CDH18: variants seen among roughly 807,000 people sequenced by gnomAD.
The protein encoded by CDH18 is cadherin 18.
Under a neutral mutation model 67.9 loss-of-function variants are expected in CDH18, and 31 were observed. The observed-to-expected ratio is 0.46, with a 90% CI of 0.34 to 0.62. The LOEUF is 0.62. Among genes scored for constraint, CDH18 ranks in the 20% least tolerant of loss-of-function variants. The probability of loss-of-function intolerance (pLI) is 0.01; values close to 1 mark genes in which losing one functional copy is unlikely to be tolerated. For synonymous variants in CDH18, 362 were observed against 347.2 expected, an observed-to-expected ratio of 1.04 and a Z score of -0.48; for missense variants, 890 against 975.5, an observed-to-expected ratio of 0.91 and a Z score of 1.17.
chr5:19,601,485 C>T (rs1312598490), intron 6 of CDH18, among the ~76,000 whole-genome samples: 1 of 151,926 alleles, frequency 6.6e-6, no homozygotes, highest in African/African-American at 2.4e-5. Flanking sequence ...GAAAGAAAAG[C>T]CCTGCAACAG....
intron 5 of CDH18, among the ~76,000 whole-genome samples, chr5:19,706,490 A>T (rs564849047): frequency 2.4e-4 from 37 of 152,298 alleles, no homozygotes; most frequent in South Asian, 1.7e-3. Flanking sequence ...ATCCTTGAGG[A>T]TTGGAACCTA....
intron 2 of CDH18, among the ~76,000 whole-genome samples, chr5:19,993,460 T>A (rs1800093366): frequency 6.6e-6 from 1 of 152,244 alleles, no homozygotes; most frequent in African/African-American, 2.4e-5. Context: ...AGATTATAGC[T>A]AATTCGTTTG....
intron 2 of CDH18, among the ~76,000 whole-genome samples, chr5:19,997,070 T>C (rs1216545145): frequency 6.6e-6 from 1 of 152,054 alleles, no homozygotes; most frequent in African/African-American, 2.4e-5. Context: ...ATGTCCCTTA[T>C]ATATTAAAAA....
rs927907790 is a variant in CDH18 at position 20,034,908 on chromosome 5, A to G, written c.-517-42894T>C. Reference sequence around the variant, plus strand: ...AACTCTGCCCAATATATGATTCAACAATTATTCACGTACTCTTCCTTCCAG... The same window carrying G: ...AACTCTGCCCAATATATGATTCAACGATTATTCACGTACTCTTCCTTCCAG... On this transcript the variant is annotated intron_variant, in intron 2 of 14. Transcript: ENST00000507958. 3.3e-5 allele frequency among the ~76,000 whole-genome samples: 5 copies of G among 152,172 alleles called. No individual in the cohort carries two copies. In the South Asian group the frequency reaches 1.0e-3, roughly 32 times the overall value.
chr5:20,105,744 A>G (rs1423920956), intron 2 of CDH18, among the ~76,000 whole-genome samples: 2 of 152,202 alleles, frequency 1.3e-5, no homozygotes, highest in Non-Finnish European at 2.9e-5. Flanking sequence ...CATGTCTCAG[A>G]TATTCAGACC....
intron 1 of CDH18, among the ~76,000 whole-genome samples, chr5:20,551,016 A>G (rs1394238852): frequency 6.6e-6 from 1 of 152,170 alleles, no homozygotes; most frequent in African/African-American, 2.4e-5. Context: ...ACAGAATGAG[A>G]ACTCATCAGC....
chr5:20,550,260 G>A (rs972508816), intron 1 of CDH18, among the ~76,000 whole-genome samples: 1 of 152,110 alleles, frequency 6.6e-6, no homozygotes, highest in East Asian at 1.9e-4. Context: ...TTTAGAAATT[G>A]TTAATGCATG....
At chr5:20,083,547 C>A (rs1046995214) in intron 2 of CDH18, among the ~76,000 whole-genome samples, 1 of 152,168 alleles carries the variant, frequency 6.6e-6, no homozygotes, top group Non-Finnish European at 1.5e-5. Context: ...ACAGACTGGG[C>A]ATTCCCCCAT....
intron 1 of CDH18, among the ~76,000 whole-genome samples, chr5:20,536,598 T>C (rs1451375761): frequency 6.6e-6 from 1 of 152,060 alleles, no homozygotes; most frequent in Non-Finnish European, 1.5e-5. Context: ...GTTATAATGG[T>C]GGTTTAAGCA....
At chr5:19,785,002 C>T (rs1775544636) in intron 3 of CDH18, among the ~76,000 whole-genome samples, 1 of 152,078 alleles carries the variant, frequency 6.6e-6, no homozygotes, top group African/African-American at 2.4e-5. Flanking sequence ...GCTTCTGTCC[C>T]CCAGTCCTGG....
chr5:19,589,129 T>G (rs1056498344), intron 7 of CDH18, among the ~76,000 whole-genome samples: 1 of 152,108 alleles, frequency 6.6e-6, no homozygotes, highest in Non-Finnish European at 1.5e-5. Flanking sequence ...CGTTGCCACA[T>G]GACACTTACT....
At chr5:19,677,928 G>A (rs951024276) in intron 5 of CDH18, among the ~76,000 whole-genome samples, 4 of 151,854 alleles carry the variant, frequency 2.6e-5, no homozygotes, top group African/African-American at 9.7e-5. Flanking sequence ...TTCTCTTAGT[G>A]TGTGTAAATC....
intron 3 of CDH18, among the ~76,000 whole-genome samples, chr5:19,772,791 G>A (rs1773872902): frequency 6.6e-6 from 1 of 152,196 alleles, no homozygotes; most frequent in South Asian, 2.1e-4. Context: ...TAATGTCAGA[G>A]CCTGGGCTCT....
At chr5:20,104,550 A>T (rs1746761845) in intron 2 of CDH18, among the ~76,000 whole-genome samples, 1 of 152,084 alleles carries the variant, frequency 6.6e-6, no homozygotes, top group Admixed American at 6.6e-5. Flanking sequence ...AAAATAAAAC[A>T]ACTAGTTTTT....
intron 2 of CDH18, among the ~76,000 whole-genome samples, chr5:20,069,429 T>TTATC (rs1743261974): frequency 6.6e-6 from 1 of 151,862 alleles, no homozygotes; most frequent in African/African-American, 2.4e-5. Context: ...ATTTATTTAT[T>TTATC]TGAGACGGAG....
intron 1 of CDH18, among the ~76,000 whole-genome samples, chr5:20,374,452 G>T (rs1024497354): frequency 5.3e-5 from 8 of 152,172 alleles, no homozygotes; most frequent in African/African-American, 1.9e-4. Context: ...GAGTTCTGGA[G>T]CAGCACAGAT....
intron 2 of CDH18, among the ~76,000 whole-genome samples, chr5:19,887,241 C>T (rs1287118475): frequency 6.6e-6 from 1 of 151,428 alleles, no homozygotes; most frequent in Non-Finnish European, 1.5e-5. Flanking sequence ...ACAGCGCATA[C>T]TCACTACCAG....
chr5:19,879,533 G>T (rs1787390832), intron 2 of CDH18, among the ~76,000 whole-genome samples: 1 of 151,944 alleles, frequency 6.6e-6, no homozygotes, highest in South Asian at 2.1e-4. Flanking sequence ...TTCCTTAGGT[G>T]TGAATTAAAT....
At chr5:20,442,341 A>AT (rs1442500077) in intron 1 of CDH18, among the ~76,000 whole-genome samples, 1 of 152,000 alleles carries the variant, frequency 6.6e-6, no homozygotes, top group African/African-American at 2.4e-5. Flanking sequence ...TTGACATGTG[A>AT]TAAAAACCGT....
Sources: allele counts gnomAD v4.1 joint callset (sites outside exome capture counted in the v4.1 genomes callset), GRCh38; gene constraint gnomAD v4.1.1; transcripts MANE v1.5; gene names NCBI Gene and HGNC (gene_info 2026-07-23, HGNC 2026-07-21).